Variants in CLVS1 observed in about 807,000 individuals in gnomAD.
The protein encoded by CLVS1 is clavesin-1.
Under a neutral mutation model 33.1 loss-of-function variants are expected in CLVS1, and 10 were observed. That is an observed-to-expected ratio of 0.30 (90% CI 0.19 to 0.51). The LOEUF is 0.51. Ranked by LOEUF, CLVS1 falls within the 20% of genes least tolerant of loss-of-function variation. The pLI is 0.97. For missense variants in CLVS1, 343 were observed against 433.4 expected (o/e 0.79, Z 1.85); for synonymous variants, 163 against 166.1 (o/e 0.98, Z 0.14).
upstream of CLVS1, among the ~76,000 whole-genome samples, chr8:61,285,479 A>G (rs1809757805): frequency 6.6e-6 from 1 of 152,158 alleles, no homozygotes; most frequent in Admixed American, 6.5e-5. Context: ...GAAGCTGCCT[A>G]CATATTTGTT....
At chr8:61,319,753 T>G (rs1177870563) in intron 2 of CLVS1, among the ~76,000 whole-genome samples, 2 of 152,210 alleles carry the variant, frequency 1.3e-5, no homozygotes, top group African/African-American at 4.8e-5. Flanking sequence ...CTTTATGGCA[T>G]TAGCTTATGC....
upstream of CLVS1, among the ~76,000 whole-genome samples, chr8:61,056,634 T>G (rs533196923): frequency 3.3e-4 from 51 of 152,334 alleles, no homozygotes; most frequent in African/African-American, 1.1e-3. Flanking sequence ...TCCACACCTG[T>G]GAATCACCTC....
At chr8:61,041,116 CA>C in the CLVS1 span, among the ~76,000 whole-genome samples, 1,162 of 152,154 alleles carry the variant, frequency 7.6e-3, 9 homozygotes, top group African/African-American at 0.025. Flanking sequence ...ATATTTTTGT[CA>C]ACTTTGTTAA....
intron 3 of CLVS1, among the ~76,000 whole-genome samples, chr8:61,389,906 G>T (rs1045979567): frequency 2.0e-5 from 3 of 152,176 alleles, no homozygotes; most frequent in African/African-American, 7.2e-5. Context: ...CTAATTTTTT[G>T]AGGGTTTACG....
intron 3 of CLVS1, among the ~76,000 whole-genome samples, chr8:61,419,985 C>A (rs555832860): frequency 8.5e-5 from 13 of 152,290 alleles, no homozygotes; most frequent in Admixed American, 3.3e-4. Context: ...GAGCAAGTAA[C>A]CTACCTGTTA....
intron 1 of CLVS1, among the ~76,000 whole-genome samples, chr8:61,129,010 A>G (rs1269973850): frequency 6.6e-6 from 1 of 152,160 alleles, no homozygotes; most frequent in African/African-American, 2.4e-5. Flanking sequence ...TGCATTTGAT[A>G]CTGTTCCAGC....
upstream of CLVS1, among the ~76,000 whole-genome samples, chr8:61,056,971 C>T (rs113817832): frequency 1.8e-4 from 28 of 152,240 alleles, no homozygotes; most frequent in African/African-American, 6.7e-4. Flanking sequence ...AGTGGAGCTA[C>T]CTCTCCTCCC....
chr8:61,191,135 C>G (rs145226881), intron 2 of CLVS1, among the ~76,000 whole-genome samples: 1 of 151,986 alleles, frequency 6.6e-6, no homozygotes, highest in African/African-American at 2.4e-5. Flanking sequence ...AATAAAATAC[C>G]GGAAAACTGA....
the CLVS1 span, chr8:60,964,897 A>G: frequency 6.6e-6 from 1 of 152,014 alleles, no homozygotes; most frequent in Non-Finnish European, 1.5e-5. Flanking sequence ...ATTCCCACTT[A>G]ATGGATAGAG....
In CLVS1 at chr8:61,499,838, A is replaced by AGAC. The variant is rs1169364571; in HGVS notation, c.*297_*299dup. 4.4e-6 allele frequency: 1 copy of AGAC among 228,322 alleles called. No individual in the cohort carries two copies. The highest frequency in any genetic ancestry group is 2.2e-5 in the African/African-American group (1 of 45,116). The allele number at this position is 228,322 out of a possible 1,614,324, so 14.1% of individuals were successfully genotyped here. A position where few individuals can be genotyped will look rare whatever the true frequency, so the allele number is the denominator to read the frequency against. ...TTATTGTAGTAAATTGAAAAAATAA[A>AGAC]GACTAAATTTGATGGACACACTGCA... On this transcript the variant is annotated 3_prime_UTR_variant, in exon 6 of 6. Transcript: ENST00000325897.
At chr8:61,258,133 G>T (rs967298772) in intron 2 of CLVS1, among the ~76,000 whole-genome samples, 1 of 152,144 alleles carries the variant, frequency 6.6e-6, no homozygotes, top group South Asian at 2.1e-4. Context: ...TTGCACAAAC[G>T]CTCTTGCCTT....
intron 1 of CLVS1, among the ~76,000 whole-genome samples, chr8:61,082,499 A>AAACAAC (rs71559325): frequency 9.5e-4 from 144 of 151,492 alleles, no homozygotes; most frequent in Non-Finnish European, 1.4e-3. Context: ...AAACAAACAA[A>AAACAAC]AACAACAACA....
intron 1 of CLVS1, chr8:61,288,343 C>T (rs4033258): frequency 2.2e-6 from 1 of 448,736 alleles, no homozygotes. Context: ...CCCGCTCAGC[C>T]TGCGCCCCCT....
intron 5 of CLVS1, among the ~76,000 whole-genome samples, chr8:61,498,130 C>T (rs146417760): frequency 6.6e-6 from 1 of 152,186 alleles, no homozygotes; most frequent in Admixed American, 6.5e-5. Flanking sequence ...TTTTACCCAG[C>T]CCCTATTTAA....
chr8:61,162,085 C>T (rs1317236318), intron 2 of CLVS1, among the ~76,000 whole-genome samples: 1 of 152,224 alleles, frequency 6.6e-6, no homozygotes, highest in African/African-American at 2.4e-5. Flanking sequence ...TACCTTCTTG[C>T]CGTCTTTCCC....
In CLVS1 at chr8:61,133,692, AG is replaced by A. The variant is rs1254734559; in HGVS notation, c.-152+1833del. Among the ~76,000 whole-genome samples, 9 of 152,224 alleles carry A rather than the reference AG, an allele frequency of 5.9e-5. No individual in the cohort carries two copies. In the East Asian group the frequency reaches 1.5e-3, roughly 26 times the overall value. On this transcript the variant is annotated intron_variant, in intron 2 of 2. Coordinates refer to the CLVS1 transcript ENST00000522621. ...ACATCGGAAGGATTGGGAAGGGGAA[AG>A]ATTGGGATTTGCAAGGTCAGTTTTA...
chr8:61,012,037 C>CGTCT, the CLVS1 span, among the ~76,000 whole-genome samples: 2 of 152,222 alleles, frequency 1.3e-5, no homozygotes, highest in African/African-American at 4.8e-5. Context: ...CCAAGGGAGA[C>CGTCT]AGCGCTAGGG....
intron 1 of CLVS1, among the ~76,000 whole-genome samples, chr8:61,065,781 G>A (rs1456722607): frequency 5.9e-5 from 9 of 152,346 alleles, no homozygotes; most frequent in African/African-American, 1.4e-4. Context: ...AGGCAGTCTA[G>A]TTAGATTGGT....
At chr8:61,261,155 A>G (rs2919316) in intron 2 of CLVS1, among the ~76,000 whole-genome samples, 40,287 of 152,074 alleles carry the variant, frequency 0.26, 6,505 homozygotes, top group Non-Finnish European at 0.35. Context: ...GTGTGTTCCA[A>G]TACTGCTTCC....
Sources: gnomAD v4.1 joint callset for allele counts (sites outside exome capture counted in the v4.1 genomes callset) on GRCh38, gnomAD v4.1.1 for gene constraint, MANE v1.5 for transcripts, NCBI Gene and HGNC (gene_info 2026-07-23, HGNC 2026-07-21) for gene names.